HPD: variants seen among roughly 807,000 people sequenced by gnomAD.
The protein encoded by HPD is 4-hydroxyphenylpyruvate dioxygenase.
A neutral mutation model predicts 56.9 loss-of-function variants in HPD; 35 were observed. The observed-to-expected ratio is 0.62, with a 90% CI of 0.47 to 0.82. HPD has a LOEUF of 0.82. HPD is among the 40% of genes least tolerant of loss of function. The pLI is 0.00. For synonymous variants in HPD, 186 were observed against 200.2 expected, an observed-to-expected ratio of 0.93 and a Z score of 0.60; for missense variants, 442 against 506.8, an observed-to-expected ratio of 0.87 and a Z score of 1.23.
At chr12:121,876,184 G>A in the HPD span, among the ~76,000 whole-genome samples, 15 of 152,218 alleles carry the variant, frequency 9.9e-5, 1 homozygote, top group East Asian at 1.5e-3. Flanking sequence ...GGTGGCGGGC[G>A]CCTGTAGTCC....
intron 11 of HPD, 123 bp downstream of exon 11, chr12:121,846,739 C>A (rs967447098): frequency 3.4e-6 from 3 of 870,830 alleles, no homozygotes; most frequent in Admixed American, 4.0e-5. Context: ...GTGAGGGAGT[C>A]CTGTCAGTCT....
intron 12 of HPD, 98 bp downstream of exon 12, chr12:121,843,612 G>A (rs1021512076): frequency 7.0e-7 from 1 of 1,423,350 alleles, no homozygotes; most frequent in Non-Finnish European, 9.7e-7. Flanking sequence ...CAGGGACTTG[G>A]TCTGGGCTCC....
intron 11 of HPD, among the ~76,000 whole-genome samples, chr12:121,846,056 A>G (rs1427269443): frequency 6.6e-6 from 1 of 151,948 alleles, no homozygotes; most frequent in Non-Finnish European, 1.5e-5. Flanking sequence ...TGAACCACCA[A>G]GCCTGGTTAA....
chr12:121,878,530 G>A, the HPD span, among the ~76,000 whole-genome samples: 1 of 152,090 alleles, frequency 6.6e-6, no homozygotes, highest in East Asian at 1.9e-4. Context: ...TGTATTTTTA[G>A]TAGAGATGAG....
chr12:121,876,166 C>G, the HPD span, among the ~76,000 whole-genome samples: 1 of 152,086 alleles, frequency 6.6e-6, no homozygotes, highest in South Asian at 2.1e-4. Context: ...CAAAAATTAG[C>G]TGGGCGTGGT....
In HPD at chr12:121,846,913, C is replaced by A. The variant is rs1374155721; in HGVS notation, c.780G>T (p.Gly260=). ...GAGCGATGTGCTGGACCCCAGCGCC[C>A]CCGTTATAGTCCACATATTCCTGGG... is the stretch of plus-strand genomic sequence containing the variant. The part of the protein sequence containing the change: ...SQIQEYVDYN[G]GAGVQHIALK... The change falls in exon 11 of 14, where the codon GGG becomes GGT. Residue 260 remains glycine, a synonymous_variant. Transcript: ENST00000289004. 6.2e-7 allele frequency: 1 copy of A among 1,614,062 alleles called. No individual in the cohort carries two copies. The highest frequency in any genetic ancestry group is 2.2e-5 in the East Asian group (1 of 44,870).
At chr12:121,886,645 CTA>C in the HPD span, among the ~76,000 whole-genome samples, 1 of 152,086 alleles carries the variant, frequency 6.6e-6, no homozygotes, top group African/African-American at 2.4e-5. Context: ...AATCATGACA[CTA>C]CACATCTAAA....
rs562851478 is a variant in HPD at position 121,839,702 on chromosome 12, T to G, written c.*26A>C. ...GAATCAGGGGGCGTGGCTGTGTGGC[T>G]GTGGCCTCCGTGGGGTGGGCGGGGC... On this transcript the variant is annotated 3_prime_UTR_variant, in exon 14 of 14. Transcript: ENST00000289004. 2.6e-6 allele frequency: 4 copies of G among 1,510,496 alleles called. No homozygotes were observed. The highest frequency in any genetic ancestry group is 1.1e-5 in the South Asian group (1 of 88,998). 93.6% of individuals were successfully genotyped at this position (1,510,496 alleles called of 1,614,324 possible). A position where few individuals can be genotyped will look rare whatever the true frequency, so the allele number is the denominator to read the frequency against.
chr12:121,851,418 C>A (rs1486294414), intron 7 of HPD, among the ~76,000 whole-genome samples: 2 of 151,966 alleles, frequency 1.3e-5, no homozygotes, highest in Admixed American at 6.6e-5. Context: ...GCAACCTTGG[C>A]TCACTGCAAC....
At chr12:121,886,151 C>T in the HPD span, among the ~76,000 whole-genome samples, 30 of 148,378 alleles carry the variant, frequency 2.0e-4, no homozygotes, top group African/African-American at 5.7e-4. Flanking sequence ...CTCTCTCGCC[C>T]GGGCTGGAGT....
the HPD span, among the ~76,000 whole-genome samples, chr12:121,878,701 TCTCA>T: frequency 6.6e-6 from 1 of 151,056 alleles, no homozygotes; most frequent in Non-Finnish European, 1.5e-5. Flanking sequence ...TGAGACAGGT[TCTCA>T]CTCTGTTGCC....
intron 4 of HPD, chr12:121,856,882 G>A (rs1236863252): frequency 1.1e-5 from 6 of 566,390 alleles, no homozygotes; most frequent in African/African-American, 5.7e-5. Context: ...GGACCCCATC[G>A]GTCAGGGCAC....
chr12:121,857,910 T>C, intron 2 of HPD, 91 bp from the exon 3 acceptor site: 2 of 953,174 alleles, frequency 2.1e-6, no homozygotes, highest in South Asian at 2.7e-5. Context: ...ACCCTCCTTA[T>C]TCCAGCCTCA....
Position 121,839,560 on chromosome 12 carries a change from G to C in HPD, c.*168C>G. 2 of 647,432 alleles carry C rather than the reference G, an allele frequency of 3.1e-6. No homozygotes were observed. The highest frequency in any genetic ancestry group is 2.7e-5 in the East Asian group (1 of 36,948). The allele number at this position is 647,432 out of a possible 1,614,324, so 40.1% of individuals were successfully genotyped here. ...GGGCACGCTTTAATCGGGAGGGCTGGAGCAGAGGGCGGCCCCGCCGAGGGG... is the reference window on the plus strand; with the variant it reads ...GGGCACGCTTTAATCGGGAGGGCTGCAGCAGAGGGCGGCCCCGCCGAGGGG... On this transcript the variant is annotated 3_prime_UTR_variant, in exon 14 of 14. Coordinates refer to ENST00000289004, the MANE Select transcript of HPD (RefSeq NM_002150.3).
At chr12:121,851,705 T>A (rs77739543) in intron 7 of HPD, among the ~76,000 whole-genome samples, 1,339 of 4,682 alleles carry the variant, frequency 0.29, 92 homozygotes, top group Middle Eastern at 1. Context: ...ATTTATTTTT[T>A]TTTTTTTTTT....
At chr12:121,875,926 G>C in the HPD span, among the ~76,000 whole-genome samples, 1 of 152,118 alleles carries the variant, frequency 6.6e-6, no homozygotes, top group African/African-American at 2.4e-5. Context: ...TTCAAGACCA[G>C]CCTGGGCAAC....
At chr12:121,856,894 GCTTAAAATT>G in intron 4 of HPD, 1 of 552,482 alleles carries the variant, frequency 1.8e-6, no homozygotes, top group South Asian at 2.0e-5. Flanking sequence ...TCAGGGCACT[GCTTAAAATT>G]CCTCTCCTCT....
upstream of HPD, among the ~76,000 whole-genome samples, chr12:121,859,993 A>G (rs750810511): frequency 6.6e-6 from 1 of 152,158 alleles, no homozygotes; most frequent in Non-Finnish European, 1.5e-5. Flanking sequence ...CCTCATCTCT[A>G]CTAAAAATAC....
At chr12:121,841,514 C>T (rs1484560471) in intron 12 of HPD, among the ~76,000 whole-genome samples, 1 of 152,184 alleles carries the variant, frequency 6.6e-6, no homozygotes, top group Non-Finnish European at 1.5e-5. Context: ...AAAGTGGAAA[C>T]AACCCAAATA....
Sources: allele counts gnomAD v4.1 joint callset (sites outside exome capture counted in the v4.1 genomes callset), GRCh38; gene constraint gnomAD v4.1.1; transcripts MANE v1.5; gene names NCBI Gene and HGNC (gene_info 2026-07-23, HGNC 2026-07-21).